Variants in HDAC4 observed in about 807,000 individuals in gnomAD.
HDAC4 encodes the protein histone deacetylase A.
In HDAC4, 16 loss-of-function variants were observed where a neutral mutation model predicts 135.1. The observed-to-expected ratio is 0.12, with a 90% CI of 0.08 to 0.18. HDAC4 has a LOEUF of 0.18. Among genes scored for constraint, HDAC4 ranks in the 10% least tolerant of loss-of-function variants. The probability of loss-of-function intolerance (pLI) is 1.00; values close to 1 mark genes in which losing one functional copy is unlikely to be tolerated. For missense variants in HDAC4, 1,143 were observed against 1,511.8 expected, an observed-to-expected ratio of 0.76 and a Z score of 4.05; for synonymous variants, 685 against 653.4, an observed-to-expected ratio of 1.05 and a Z score of -0.74.
intron 3 of HDAC4, among the ~76,000 whole-genome samples, chr2:239,224,813 T>G (rs1208238764): frequency 6.6e-6 from 1 of 152,206 alleles, no homozygotes; most frequent in African/African-American, 2.4e-5. Context: ...CCCCAGTCCT[T>G]GACTGCTCAC....
intron 12 of HDAC4, among the ~76,000 whole-genome samples, chr2:239,124,488 A>G (rs2039964862): frequency 6.6e-6 from 1 of 152,170 alleles, no homozygotes; most frequent in South Asian, 2.1e-4. Context: ...GCTGAATGAC[A>G]TTCCGGCGTG....
At chr2:239,389,217 C>G (rs900686538) in intron 1 of HDAC4, among the ~76,000 whole-genome samples, 1 of 152,132 alleles carries the variant, frequency 6.6e-6, no homozygotes, top group Non-Finnish European at 1.5e-5. Flanking sequence ...GGACAAATAA[C>G]GGAATAATAG....
intron 2 of HDAC4, among the ~76,000 whole-genome samples, chr2:239,343,513 G>A (rs1452486215): frequency 6.6e-6 from 1 of 152,256 alleles, no homozygotes; most frequent in Non-Finnish European, 1.5e-5. Flanking sequence ...GCCCCAGCCG[G>A]CGGGGCAGGA....
At chr2:239,266,083 A>G (rs2049709455) in intron 2 of HDAC4, among the ~76,000 whole-genome samples, 1 of 152,180 alleles carries the variant, frequency 6.6e-6, no homozygotes, top group African/African-American at 2.4e-5. Flanking sequence ...TGGCATCCAG[A>G]GGGGCTGCCA....
chr2:239,215,151 T>C (rs563812819), intron 3 of HDAC4, among the ~76,000 whole-genome samples: 1 of 151,812 alleles, frequency 6.6e-6, no homozygotes, highest in East Asian at 1.9e-4. Context: ...AAACAAGGAG[T>C]GGGCCGGAGA....
intron 8 of HDAC4, among the ~76,000 whole-genome samples, chr2:239,143,467 T>C (rs2041541927): frequency 6.6e-6 from 1 of 152,220 alleles, no homozygotes; most frequent in Non-Finnish European, 1.5e-5. Flanking sequence ...AAAAGGTCTG[T>C]GTGTACTATA....
At chr2:239,181,975 T>A (rs1007138346) in intron 4 of HDAC4, among the ~76,000 whole-genome samples, 4 of 152,202 alleles carry the variant, frequency 2.6e-5, no homozygotes, top group African/African-American at 9.7e-5. Context: ...AGGGAGATAC[T>A]ACCTGGAGCA....
rs187682098 is a variant in HDAC4 at position 239,307,036 on chromosome 2, C to T, written c.22+45642G>A. 1.6e-3 allele frequency among the ~76,000 whole-genome samples: 245 copies of T among 152,252 alleles called. No homozygotes were observed. The highest frequency in any genetic ancestry group is 5.5e-3 in the African/African-American group (227 of 41,564). On this transcript the variant is annotated intron_variant, in intron 2 of 26. Coordinates refer to ENST00000543185, the MANE Select transcript of HDAC4 (RefSeq NM_001378414.1). The surrounding 1 kb of genome is among the most constrained non-coding windows in gnomAD (Gnocchi z 4.8). The stretch of plus-strand genomic sequence containing the variant: ...TGGGTGATGCCATCCTTCCCACTCT[C>T]GCCCTCCGGCCTTCATTCAGCACTC...
intron 3 of HDAC4, among the ~76,000 whole-genome samples, chr2:239,236,276 C>T (rs2047881700): frequency 6.6e-6 from 1 of 152,228 alleles, no homozygotes. Context: ...CCTACAGGCC[C>T]TCACGGGGAT....
Position 239,376,487 on chromosome 2 carries a change from C to T in HDAC4, c.-219-23569G>A, listed in dbSNP as rs571006126. On this transcript the variant is annotated intron_variant, in intron 1 of 26. Coordinates refer to ENST00000543185, the MANE Select transcript of HDAC4 (RefSeq NM_001378414.1). ...CTGATGGTGCCCCAGATGTCACCAC[C>T]GCGCCATCAGAGGTGGGACACAGAC... 9.9e-5 allele frequency among the ~76,000 whole-genome samples: 15 copies of T among 151,020 alleles called. No homozygotes were observed. In the South Asian group the frequency reaches 2.5e-3, roughly 26 times the overall value.
chr2:239,284,234 C>T (rs1345895164), intron 2 of HDAC4, among the ~76,000 whole-genome samples: 1 of 152,234 alleles, frequency 6.6e-6, no homozygotes, highest in African/African-American at 2.4e-5. Context: ...AGGGAGCCGA[C>T]CACAGCGGAG....
rs1392849823 is a variant in HDAC4, at chr2:239,233,625, G to A, written c.94+2968C>T. Reference sequence around the variant, plus strand: ...TACATGGTATGAATAATGCTTTTCTGTTGGAAGTGGGAATTTATTAGGACT... The same window carrying A: ...TACATGGTATGAATAATGCTTTTCTATTGGAAGTGGGAATTTATTAGGACT... On this transcript the variant is annotated intron_variant, in intron 3 of 26. Transcript: ENST00000543185. Among the ~76,000 whole-genome samples, 35 of 152,182 alleles carry A rather than the reference G, an allele frequency of 2.3e-4. 1 individual carries two copies. Among genetic ancestry groups the A allele is most frequent in the Non-Finnish European group, 5.0e-4 (34 of 68,036 alleles).
chr2:239,219,945 A>G (rs1467783229), intron 3 of HDAC4, among the ~76,000 whole-genome samples: 1 of 152,268 alleles, frequency 6.6e-6, no homozygotes. Context: ...CTCACGGCAG[A>G]GCAAACACAC....
intron 1 of HDAC4, among the ~76,000 whole-genome samples, chr2:239,398,016 C>T (rs78316053): frequency 0.088 from 13,352 of 152,268 alleles, 657 homozygotes; most frequent in Middle Eastern, 0.17. Context: ...GGCTCAGTCT[C>T]GGTTCCACAG....
At chr2:239,210,602 C>G (rs1413405237) in intron 3 of HDAC4, among the ~76,000 whole-genome samples, 1 of 152,170 alleles carries the variant, frequency 6.6e-6, no homozygotes, top group Non-Finnish European at 1.5e-5. Context: ...CCTGCTTAAA[C>G]CAGCACAGGG....
intron 12 of HDAC4, among the ~76,000 whole-genome samples, chr2:239,120,671 C>T (rs1480870325): frequency 6.6e-6 from 1 of 151,374 alleles, no homozygotes; most frequent in African/African-American, 2.4e-5. Flanking sequence ...TAGAGGGGAC[C>T]CTGTGGGGCT....
At chr2:239,213,534 C>T (rs2046454961) in intron 3 of HDAC4, among the ~76,000 whole-genome samples, 1 of 152,206 alleles carries the variant, frequency 6.6e-6, no homozygotes, top group South Asian at 2.1e-4. Flanking sequence ...GGAGGCCCAT[C>T]TATTGTCTAT....
At chr2:239,344,624 C>T (rs1692498157) in intron 2 of HDAC4, among the ~76,000 whole-genome samples, 1 of 152,160 alleles carries the variant, frequency 6.6e-6, no homozygotes, top group Admixed American at 6.5e-5. Flanking sequence ...ATAATGATGG[C>T]ATGGAGAATC....
chr2:239,099,457 G>A (rs2037415177), intron 16 of HDAC4, among the ~76,000 whole-genome samples: 3 of 152,228 alleles, frequency 2.0e-5, no homozygotes, highest in Admixed American at 2.0e-4. Context: ...CCCTCATGGG[G>A]CCCACAGGCA....
Sources: allele counts gnomAD v4.1 joint callset (sites outside exome capture counted in the v4.1 genomes callset), GRCh38; gene constraint gnomAD v4.1.1; non-coding constraint Gnocchi (gnomAD v3.1); transcripts MANE v1.5; gene names NCBI Gene and HGNC (gene_info 2026-07-23, HGNC 2026-07-21).